The following PCDHB10 variants were observed in gnomAD, a reference collection of about 807,000 sequenced individuals.
PCDHB10 encodes protocadherin beta 10.
For missense variants in PCDHB10, 1,046 were observed against 1,004.7 expected (o/e 1.04, Z -0.56); for synonymous variants, 448 against 449.2 (o/e 1.00, Z 0.04).
chr5:141,194,129 C>A lies in PCDHB10; in HGVS notation c.1577C>A (p.Ala526Asp), dbSNP rs17844574. 1.9e-6 allele frequency: 3 copies of A among 1,605,406 alleles called. No individual in the cohort carries two copies. Among genetic ancestry groups the A allele is most frequent in the East Asian group, 2.2e-5 (1 of 44,762 alleles). ...LRSLDYEALQ[A>D]FEFRVGATDR... ...TCGCTGGACTACGAGGCCCTGCAGG[C>A]TTTCGAGTTCCGCGTGGGCGCCACA... The change falls in exon 1 of 1, where the codon GCT (alanine) becomes GAT (aspartate). Residue 526 changes from alanine to aspartate, a missense_variant. Physicochemically the swap from Ala to Asp is moderately radical, Grantham distance 126. Transcript: ENST00000239446.
In PCDHB10 at chr5:141,193,325, GGTT is replaced by G; in HGVS notation, c.774_776del (p.Phe259del). The G allele has an allele frequency of 6.2e-7, 1 of 1,614,080 alleles. No homozygotes were observed. Among genetic ancestry groups the G allele is most frequent in the Admixed American group, 1.7e-5 (1 of 60,032 alleles). On this transcript the variant is annotated inframe_deletion, in exon 1 of 1. Coordinates refer to ENST00000239446, the MANE Select transcript of PCDHB10 (RefSeq NM_018930.4). ...CAGGCTCCAGAAAACAGCCCCATTG[GGTT>G]CCTTATTGTTAAGGTATGGGCAGAA... is the stretch of plus-strand genomic sequence containing the variant.
Position 141,193,651 on chromosome 5 carries a change from G to T in PCDHB10, c.1099G>T (p.Val367Phe), listed in dbSNP as rs782442419. The change falls in exon 1 of 1, where the codon GTT (valine) becomes TTT (phenylalanine). Residue 367 changes from valine to phenylalanine, a missense_variant. Val to Phe is a conservative substitution (Grantham distance 50). Coordinates refer to ENST00000239446, the MANE Select transcript of PCDHB10 (RefSeq NM_018930.4). ...GAATTCTCCTGAGACGCCGCTGGCT[G>T]TTTTTAAGATTAATGACAGAGACTC... is the stretch of plus-strand genomic sequence containing the variant. The part of the protein sequence containing the change: ...AENSPETPLA[V>F]FKINDRDSGE... 3 of 1,614,158 alleles carry T rather than the reference G, an allele frequency of 1.9e-6. No homozygotes were observed. The highest frequency in any genetic ancestry group is 2.5e-6 in the Non-Finnish European group (3 of 1,180,038).
In PCDHB10 at chr5:141,195,139, A is replaced by C; in HGVS notation, c.*184A>C. 7.0e-6 allele frequency: 4 copies of C among 572,286 alleles called. No homozygotes were observed. The highest frequency in any genetic ancestry group is 1.2e-5 in the Non-Finnish European group (4 of 342,086). 35.5% of individuals were successfully genotyped at this position (572,286 alleles called of 1,614,324 possible). On this transcript the variant is annotated 3_prime_UTR_variant, in exon 1 of 1. Coordinates refer to ENST00000239446, the MANE Select transcript of PCDHB10 (RefSeq NM_018930.4). The stretch of plus-strand genomic sequence containing the variant: ...AATAACAACTGGGTTTAATTTAATG[A>C]GTATTTTTTTCTAAATGATAGTGTT...
At position 141,194,481 on chromosome 5, in the gene PCDHB10, T is replaced by G. The variant is rs17844595; in HGVS notation, c.1929T>G (p.Leu643=). The change falls in exon 1 of 1, where the codon CTT becomes CTG. Residue 643 remains leucine (L), a synonymous_variant. Transcript: ENST00000239446. ...RDAAKHRLVV[L]VKDNGEPPRS... is the part of the protein sequence containing the mutation. ...CAGCCAAGCACAGGCTCGTGGTGCTTGTCAAGGACAATGGCGAGCCTCCTC... is the reference window on the plus strand; with the variant it reads ...CAGCCAAGCACAGGCTCGTGGTGCTGGTCAAGGACAATGGCGAGCCTCCTC... 3.1e-5 allele frequency: 50 copies of G among 1,596,016 alleles called. No homozygotes were observed. The highest frequency in any genetic ancestry group is 2.2e-4 in the Middle Eastern group (1 of 4,446).
At position 141,194,439 on chromosome 5, in the gene PCDHB10, G is replaced by A; in HGVS notation, c.1887G>A (p.Leu629=). ...ATGGGGAGGTGCGCACCGCCAGGCT[G>A]CTGAGCGAGCGCGACGCAGCCAAGC... The part of the protein sequence containing the change: ...AHNGEVRTAR[L]LSERDAAKHR... The change falls in exon 1 of 1, where the codon CTG becomes CTA. Residue 629 remains leucine, a synonymous_variant. Coordinates refer to ENST00000239446, the MANE Select transcript of PCDHB10 (RefSeq NM_018930.4). The A allele has an allele frequency of 6.2e-7, 1 of 1,603,894 alleles. No individual in the cohort carries two copies. Among genetic ancestry groups the A allele is most frequent in the Non-Finnish European group, 8.5e-7 (1 of 1,179,484 alleles).
At position 141,193,238 on chromosome 5, in the gene PCDHB10, G is replaced by T. The variant is rs201669614; in HGVS notation, c.686G>T (p.Arg229Leu). 2.1e-5 allele frequency: 34 copies of T among 1,614,068 alleles called. No homozygotes were observed. The Admixed American group carries it at 2.2e-4, about 10-fold the overall frequency. ...TCCAGGTCTGGGACCTCTACTGTAC[G>T]CATCGTTGTCTTGGACGTCAATGAC... Reference protein sequence around the residue: ...SPSRSGTSTVRIVVLDVNDNA... With the variant: ...SPSRSGTSTVLIVVLDVNDNA... Residue 229 changes from arginine (R) to leucine (L), a missense_variant, in exon 1 of 1, where the codon CGC becomes CTC. Physicochemically the swap from Arg to Leu is moderately radical, Grantham distance 102. Coordinates refer to ENST00000239446, the MANE Select transcript of PCDHB10 (RefSeq NM_018930.4).
Position 141,193,560 on chromosome 5 carries a change from A to C in PCDHB10, c.1008A>C (p.Glu336Asp). 1 of 1,614,144 alleles carries C rather than the reference A, an allele frequency of 6.2e-7. No homozygotes were observed. The highest frequency in any genetic ancestry group is 2.2e-5 in the East Asian group (1 of 44,880). ...GLSARCRVLVEVLDTNDNPPE... is the reference protein window; with the variant it reads ...GLSARCRVLVDVLDTNDNPPE... Reference sequence around the variant, plus strand: ...CTGCAAGATGTAGGGTTTTAGTGGAAGTATTGGACACCAATGACAATCCCC... The same window carrying C: ...CTGCAAGATGTAGGGTTTTAGTGGACGTATTGGACACCAATGACAATCCCC... Residue 336 changes from glutamate to aspartate, a missense_variant, in exon 1 of 1, where the codon GAA becomes GAC. Transcript: ENST00000239446.
rs566974795 is a variant in PCDHB10 at position 141,195,139 on chromosome 5, A to T, written c.*184A>T. ...AATAACAACTGGGTTTAATTTAATGAGTATTTTTTTCTAAATGATAGTGTT... is the reference window on the plus strand; with the variant it reads ...AATAACAACTGGGTTTAATTTAATGTGTATTTTTTTCTAAATGATAGTGTT... On this transcript the variant is annotated 3_prime_UTR_variant, in exon 1 of 1. Coordinates refer to ENST00000239446, the MANE Select transcript of PCDHB10 (RefSeq NM_018930.4). The T allele has an allele frequency of 3.5e-6, 2 of 572,286 alleles. No individual in the cohort carries two copies. Among genetic ancestry groups the T allele is most frequent in the Admixed American group, 7.5e-5 (2 of 26,556 alleles). 35.5% of individuals were successfully genotyped at this position (572,286 alleles called of 1,614,324 possible). A position where few individuals can be genotyped will look rare whatever the true frequency, so the allele number is the denominator to read the frequency against.
rs1753964989 is a variant in PCDHB10 at position 141,193,662 on chromosome 5, TAATGA to T, written c.1111_1115del (p.Asn371GlnfsTer53). On this transcript the variant is annotated frameshift_variant, in exon 1 of 1. Transcript: ENST00000239446. LOFTEE classifies it low-confidence loss of function (END_TRUNC). Reference sequence around the variant, plus strand: ...AGACGCCGCTGGCTGTTTTTAAGATTAATGACAGAGACTCTGGAGAAAATGGAAAG... The same window carrying T: ...AGACGCCGCTGGCTGTTTTTAAGATTCAGAGACTCTGGAGAAAATGGAAAG... The T allele has an allele frequency of 6.2e-7, 1 of 1,613,996 alleles. No homozygotes were observed. The highest frequency in any genetic ancestry group is 1.3e-5 in the African/African-American group (1 of 74,886).
rs563386280 is a variant in PCDHB10, at chr5:141,194,553, C to T, written c.2001C>T (p.Ser667=). ...TLHLLLVDGF[S]QPYLPLPEAA... The stretch of plus-strand genomic sequence containing the variant: ...ACTTGCTCCTGGTGGACGGCTTCTC[C>T]CAGCCCTACCTGCCTCTCCCGGAGG... Residue 667 remains serine, a synonymous_variant, in exon 1 of 1, where the codon TCC becomes TCT. Transcript: ENST00000239446. 2 of 1,578,056 alleles carry T rather than the reference C, an allele frequency of 1.3e-6. No individual in the cohort carries two copies. The highest frequency in any genetic ancestry group is 1.1e-5 in the South Asian group (1 of 88,628).
Position 141,195,278 on chromosome 5 carries a change from T to C in PCDHB10, c.*323T>C, listed in dbSNP as rs1306244689. 1 of 216,016 alleles carries C rather than the reference T, an allele frequency of 4.6e-6. No homozygotes were observed. The highest frequency in any genetic ancestry group is 2.3e-5 in the African/African-American group (1 of 42,752). 13.4% of individuals were successfully genotyped at this position (216,016 alleles called of 1,614,324 possible). On this transcript the variant is annotated 3_prime_UTR_variant, in exon 1 of 1. Coordinates refer to ENST00000239446, the MANE Select transcript of PCDHB10 (RefSeq NM_018930.4). ...TGCATCTCATGATTCTAATCACTTC[T>C]GTCTATAGTGTACTTGCTCTATTTA...
In PCDHB10 at chr5:141,194,480, T is replaced by A. The variant is rs782035191; in HGVS notation, c.1928T>A (p.Leu643His). Residue 643 changes from leucine (L) to histidine (H), a missense_variant, in exon 1 of 1, where the codon CTT (leucine) becomes CAT (histidine). Coordinates refer to ENST00000239446, the MANE Select transcript of PCDHB10 (RefSeq NM_018930.4). The part of the protein sequence containing the change: ...RDAAKHRLVV[L>H]VKDNGEPPRS... ...GCAGCCAAGCACAGGCTCGTGGTGC[T>A]TGTCAAGGACAATGGCGAGCCTCCT... 6.3e-7 allele frequency: 1 copy of A among 1,596,548 alleles called. No homozygotes were observed.
chr5:141,193,439 C>G lies in PCDHB10; in HGVS notation c.887C>G (p.Pro296Arg). 6.2e-7 allele frequency: 1 copy of G among 1,614,088 alleles called. No homozygotes were observed. Among genetic ancestry groups the G allele is most frequent in the South Asian group, 1.1e-5 (1 of 91,064 alleles). ...ENIRTTFQIN[P>R]FSGEIFLREL... ...ATTCGAACAACCTTTCAAATCAATC[C>G]TTTTTCTGGGGAAATCTTTCTCAGA... The change falls in exon 1 of 1, where the codon CCT becomes CGT. Residue 296 changes from proline (P) to arginine (R), a missense_variant. By Grantham distance (103) the Pro-to-Arg change is moderately radical (BLOSUM62 -2). Transcript: ENST00000239446.
Position 141,193,483 on chromosome 5 carries a change from T to A in PCDHB10, c.931T>A (p.Leu311Ile). 6.2e-7 allele frequency: 1 copy of A among 1,614,130 alleles called. No homozygotes were observed. Among genetic ancestry groups the A allele is most frequent in the Non-Finnish European group, 8.5e-7 (1 of 1,180,024 alleles). Residue 311 changes from leucine to isoleucine, a missense_variant, in exon 1 of 1, where the codon TTA becomes ATA. Leu to Ile is a conservative substitution (Grantham distance 5). Transcript: ENST00000239446. ...IFLRELLDYE[L>I]VNSYKINIQA... is the part of the protein sequence containing the mutation. ...TCTCAGAGAATTGCTTGATTATGAGTTAGTAAATTCTTACAAAATAAATAT... is the reference window on the plus strand; with the variant it reads ...TCTCAGAGAATTGCTTGATTATGAGATAGTAAATTCTTACAAAATAAATAT...
Position 141,193,980 on chromosome 5 carries a change from A to G in PCDHB10, c.1428A>G (p.Thr476=), listed in dbSNP as rs782409071. ...PALHIGSVSA[T]DRDSGTNAQV... ...TGCACATCGGCAGCGTCAGCGCCAC[A>G]GACAGAGACTCGGGCACCAACGCCC... is the stretch of plus-strand genomic sequence containing the variant. Residue 476 remains threonine, a synonymous_variant, in exon 1 of 1, where the codon ACA becomes ACG. Coordinates refer to ENST00000239446, the MANE Select transcript of PCDHB10 (RefSeq NM_018930.4). 1.9e-6 allele frequency: 3 copies of G among 1,610,662 alleles called. No individual in the cohort carries two copies. In the African/African-American group the frequency reaches 4.0e-5, roughly 22 times the overall value.
Position 141,192,703 on chromosome 5 carries a change from G to T in PCDHB10, c.151G>T (p.Asp51Tyr). 6.2e-7 allele frequency: 1 copy of T among 1,613,760 alleles called. No individual in the cohort carries two copies. The highest frequency in any genetic ancestry group is 8.5e-7 in the Non-Finnish European group (1 of 1,179,874). Residue 51 changes from aspartate (D) to tyrosine (Y), a missense_variant, in exon 1 of 1, where the codon GAT (aspartate) becomes TAT (tyrosine). Transcript: ENST00000239446. ...ATCCTTTGTGGTCAATCTGGCAAAG[G>T]ATCTGGGACTAGCAGAGGGGGAGCT... The part of the protein sequence containing the change: ...KGSFVVNLAK[D>Y]LGLAEGELAA...
Position 141,193,360 on chromosome 5 carries a change from G to A in PCDHB10, c.808G>A (p.Asp270Asn), listed in dbSNP as rs1554284044. ...TGTTAAGGTATGGGCAGAAGATGTA[G>A]ACTCTGGAGTCAACGCGGAAGTATC... Reference protein sequence around the residue: ...LIVKVWAEDVDSGVNAEVSYS... With the variant: ...LIVKVWAEDVNSGVNAEVSYS... Residue 270 changes from aspartate to asparagine, a missense_variant, in exon 1 of 1, where the codon GAC (aspartate) becomes AAC (asparagine). Coordinates refer to ENST00000239446, the MANE Select transcript of PCDHB10 (RefSeq NM_018930.4). 6.2e-7 allele frequency: 1 copy of A among 1,614,218 alleles called. No individual in the cohort carries two copies. Among genetic ancestry groups the A allele is most frequent in the Admixed American group, 1.7e-5 (1 of 60,036 alleles).
In PCDHB10 at chr5:141,193,905, C is replaced by T. The variant is rs781885694; in HGVS notation, c.1353C>T (p.Phe451=). Residue 451 remains phenylalanine (F), a synonymous_variant, in exon 1 of 1, where the codon TTC becomes TTT. Transcript: ENST00000239446. ...ACGTCAATGACAACGCCCCCGCCTT[C>T]ACCCAAACCTCCTACACCCTGTTCG... is the stretch of plus-strand genomic sequence containing the variant. ...VSDVNDNAPA[F]TQTSYTLFVR... The T allele has an allele frequency of 3.7e-6, 6 of 1,613,574 alleles. 1 individual carries two copies. In the South Asian group the frequency reaches 6.6e-5, roughly 18 times the overall value.
At position 141,194,934 on chromosome 5, in the gene PCDHB10, C is replaced by A. The variant is rs374177311; in HGVS notation, c.2382C>A (p.Ser794Arg). ...AAGAAAATTCCACCTTCCGAAATAGCTTTGGATTTAATATTCAGTAAAGTC... is the reference window on the plus strand; with the variant it reads ...AAGAAAATTCCACCTTCCGAAATAGATTTGGATTTAATATTCAGTAAAGTC... ...KGEENSTFRN[S>R]FGFNIQ The change falls in exon 1 of 1, where the codon AGC becomes AGA. Residue 794 changes from serine (S) to arginine (R), a missense_variant. By Grantham distance (110) the Ser-to-Arg change is moderately radical. Transcript: ENST00000239446. 2 of 1,609,072 alleles carry A rather than the reference C, an allele frequency of 1.2e-6. No homozygotes were observed. The highest frequency in any genetic ancestry group is 2.7e-5 in the African/African-American group (2 of 74,726).
Sources: gnomAD v4.1 joint callset for allele counts on GRCh38, gnomAD v4.1.1 for gene constraint, MANE v1.5 for transcripts, NCBI Gene and HGNC (gene_info 2026-07-23, HGNC 2026-07-21) for gene names.